Variants in LRRC4C observed in about 807,000 individuals in gnomAD.
LRRC4C encodes the protein leucine rich repeat containing 4C, also known as leucine-rich repeat-containing protein 4C.
A neutral mutation model predicts 33.6 loss-of-function variants in LRRC4C; 5 were observed. The ratio of observed to expected loss-of-function variants is 0.15; its 90% CI spans 0.08 to 0.31. LRRC4C has a LOEUF of 0.31. LRRC4C is among the 10% of genes least tolerant of loss of function. The pLI, the probability that LRRC4C is intolerant of heterozygous loss-of-function variation, is 1.00. For missense variants in LRRC4C, 560 were observed against 796.7 expected, an observed-to-expected ratio of 0.70 and a Z score of 3.58; for synonymous variants, 329 against 302.0, an observed-to-expected ratio of 1.09 and a Z score of -0.93.
chr11:40,835,220 A>G (rs933476151), intron 2 of LRRC4C, among the ~76,000 whole-genome samples: 1 of 152,138 alleles, frequency 6.6e-6, no homozygotes, highest in African/African-American at 2.4e-5. Flanking sequence ...ATTTTTACAG[A>G]CTGACGTTTT....
At chr11:41,242,587 A>G (rs1417218878) in intron 1 of LRRC4C, among the ~76,000 whole-genome samples, 1 of 152,192 alleles carries the variant, frequency 6.6e-6, no homozygotes, top group East Asian at 1.9e-4. Flanking sequence ...TAAAGGAGTT[A>G]TAAATTATTA....
rs71060997 is a variant in LRRC4C at position 41,080,342 on chromosome 11, CTTTTTTTTTT to C, written c.-495-146629_-495-146620del. 2.8e-3 allele frequency among the ~76,000 whole-genome samples: 287 copies of C among 103,460 alleles called. 3 individuals carry two copies. Among genetic ancestry groups the C allele is most frequent in the African/African-American group, 0.01 (276 of 27,376 alleles). The allele number at this position is 103,460 out of a possible 152,430, so 67.9% of individuals were successfully genotyped here. On this transcript the variant is annotated intron_variant, in intron 1 of 6. Transcript: ENST00000528697. ...TTGACCCAAATGTCAGAGTCTCCTC[CTTTTTTTTTT>C]TTTTTTTTTTTTGTTTGAGATGGAG... is the stretch of plus-strand genomic sequence containing the variant.
intron 1 of LRRC4C, chr11:41,394,532 A>G (rs1352843250): frequency 6.6e-6 from 1 of 151,960 alleles, no homozygotes; most frequent in Non-Finnish European, 1.5e-5. Flanking sequence ...TTCTCCAATC[A>G]GCTCATCAGA....
At chr11:41,349,487 A>G (rs939528069) in intron 1 of LRRC4C, among the ~76,000 whole-genome samples, 1 of 152,148 alleles carries the variant, frequency 6.6e-6, no homozygotes, top group African/African-American at 2.4e-5. Flanking sequence ...CAAAAAAACA[A>G]CAACAAAAAA....
chr11:40,907,475 A>T (rs1956474680), intron 2 of LRRC4C, among the ~76,000 whole-genome samples: 1 of 152,242 alleles, frequency 6.6e-6, no homozygotes, highest in African/African-American at 2.4e-5. Flanking sequence ...AGGTTCTTTA[A>T]TGTGCACAGC....
intron 2 of LRRC4C, among the ~76,000 whole-genome samples, chr11:40,749,387 G>T (rs1948577228): frequency 1.3e-5 from 2 of 149,086 alleles, no homozygotes; most frequent in Non-Finnish European, 3.0e-5. Flanking sequence ...CAACAAAGAG[G>T]TTAAGATGGA....
intron 1 of LRRC4C, among the ~76,000 whole-genome samples, chr11:41,418,660 T>C (rs1318521917): frequency 6.6e-6 from 1 of 151,994 alleles, no homozygotes; most frequent in African/African-American, 2.4e-5. Context: ...GATAATAACA[T>C]GTGAAAAACA....
At chr11:40,199,896 G>A (rs1663136089) in intron 5 of LRRC4C, among the ~76,000 whole-genome samples, 2 of 152,044 alleles carry the variant, frequency 1.3e-5, no homozygotes, top group African/African-American at 4.8e-5. Context: ...TAGGTGTTAT[G>A]TTCCACGAGA....
chr11:40,419,001 A>G (rs1326484377), intron 3 of LRRC4C, among the ~76,000 whole-genome samples: 1 of 152,146 alleles, frequency 6.6e-6, no homozygotes, highest in African/African-American at 2.4e-5. Context: ...GGAGAGCATC[A>G]GGATAAATAG....
chr11:40,360,415 A>G lies in LRRC4C; in HGVS notation c.-269-40694T>C, dbSNP rs1947894775. 3.9e-5 allele frequency among the ~76,000 whole-genome samples: 6 copies of G among 152,328 alleles called. 1 individual carries two copies. In the South Asian group the frequency reaches 1.2e-3, roughly 32 times the overall value. ...GGTCCGGGAAACTACCAAGTCTGGA[A>G]AACGGATCAATAGAAAGTAGCAGGT... On this transcript the variant is annotated intron_variant, in intron 3 of 6. Transcript: ENST00000528697.
intron 3 of LRRC4C, among the ~76,000 whole-genome samples, chr11:40,622,770 G>C (rs761654004): frequency 9.2e-4 from 139 of 151,778 alleles, no homozygotes; most frequent in Admixed American, 2.3e-3. Flanking sequence ...TTCCCTATTT[G>C]TAAGATGGGA....
intron 3 of LRRC4C, among the ~76,000 whole-genome samples, chr11:40,343,813 G>A (rs1030902514): frequency 8.6e-5 from 13 of 150,914 alleles, no homozygotes; most frequent in African/African-American, 2.9e-4. Context: ...AATGGCAAAG[G>A]GGTCATTACC....
At chr11:40,485,201 A>G (rs1031536299) in intron 3 of LRRC4C, among the ~76,000 whole-genome samples, 6 of 151,896 alleles carry the variant, frequency 4.0e-5, no homozygotes, top group African/African-American at 1.2e-4. Context: ...AAAAAACATA[A>G]TTGACTATAC....
intron 1 of LRRC4C, among the ~76,000 whole-genome samples, chr11:40,988,812 G>A (rs1853286394): frequency 6.7e-6 from 1 of 149,234 alleles, no homozygotes; most frequent in African/African-American, 2.5e-5. Context: ...CACCTCCCGG[G>A]TTCATGCCAT....
intron 3 of LRRC4C, among the ~76,000 whole-genome samples, chr11:40,496,603 A>T (rs1954472737): frequency 6.6e-6 from 1 of 152,126 alleles, no homozygotes; most frequent in Non-Finnish European, 1.5e-5. Flanking sequence ...GAAAGAAGCA[A>T]AAGGATCCCA....
chr11:40,526,641 T>C (rs1198533171), intron 3 of LRRC4C, among the ~76,000 whole-genome samples: 1 of 152,090 alleles, frequency 6.6e-6, no homozygotes, highest in Non-Finnish European at 1.5e-5. Context: ...TTGGAAAGTA[T>C]CAGAAATATC....
intron 2 of LRRC4C, among the ~76,000 whole-genome samples, chr11:40,819,071 G>A (rs1951818188): frequency 6.6e-6 from 1 of 152,066 alleles, no homozygotes; most frequent in Non-Finnish European, 1.5e-5. Flanking sequence ...AATCTGAAAG[G>A]AAGGAGGTAT....
At chr11:40,623,830 T>G (rs1962686014) in intron 3 of LRRC4C, among the ~76,000 whole-genome samples, 1 of 152,114 alleles carries the variant, frequency 6.6e-6, no homozygotes, top group Middle Eastern at 3.2e-3. Flanking sequence ...ACAATAGCTT[T>G]GGAATTTGGT....
At chr11:41,280,575 A>T (rs1949631458) in intron 1 of LRRC4C, among the ~76,000 whole-genome samples, 1 of 152,232 alleles carries the variant, frequency 6.6e-6, no homozygotes, top group Admixed American at 6.5e-5. Flanking sequence ...AGGCATGCAG[A>T]TATCATTATA....
Sources: gnomAD v4.1 joint callset for allele counts (sites outside exome capture counted in the v4.1 genomes callset) on GRCh38, gnomAD v4.1.1 for gene constraint, MANE v1.5 for transcripts, NCBI Gene and HGNC (gene_info 2026-07-23, HGNC 2026-07-21) for gene names.